The following PAN3 variants were observed in gnomAD, a reference collection of about 807,000 sequenced individuals.
The protein encoded by PAN3 is PAN2-PAN3 deadenylation complex subunit PAN3.
Under a neutral mutation model 96.2 loss-of-function variants are expected in PAN3, and 19 were observed. The observed-to-expected ratio is 0.20, with a 90% CI of 0.14 to 0.29. The LOEUF (loss-of-function observed/expected upper bound fraction) is 0.29, where lower values mean the gene tolerates loss of function less well. Ranked by LOEUF, PAN3 falls within the 10% of genes least tolerant of loss-of-function variation. PAN3 has a pLI of 1.00. For missense variants in PAN3, 882 were observed against 1,108.1 expected, an observed-to-expected ratio of 0.80 and a Z score of 2.90; for synonymous variants, 433 against 406.6, an observed-to-expected ratio of 1.06 and a Z score of -0.78.
intron 1 of PAN3, among the ~76,000 whole-genome samples, chr13:28,153,761 A>G (rs1024815112): frequency 6.6e-6 from 1 of 152,204 alleles, no homozygotes; most frequent in African/African-American, 2.4e-5. Flanking sequence ...CTAGCTTACT[A>G]CAAGATTTAG....
intron 1 of PAN3, among the ~76,000 whole-genome samples, chr13:28,170,653 A>G (rs970469773): frequency 2.0e-5 from 3 of 152,176 alleles, no homozygotes; most frequent in African/African-American, 7.2e-5. Context: ...TTTATTAGGA[A>G]AATGTGAAGA....
chr13:28,176,379 T>C (rs925071995), intron 2 of PAN3, 114 bp from the exon 3 acceptor site: 6 of 895,990 alleles, frequency 6.7e-6, no homozygotes, highest in Middle Eastern at 2.2e-4. Flanking sequence ...AGATTGTCAG[T>C]AATGTGAACA....
chr13:28,201,893 A>G (rs1878746923), intron 5 of PAN3, among the ~76,000 whole-genome samples: 1 of 152,198 alleles, frequency 6.6e-6, no homozygotes, highest in Admixed American at 6.5e-5. Flanking sequence ...CACTCTCCCT[A>G]CAAATCTGGA....
At chr13:28,149,960 A>T (rs1438176204) in intron 1 of PAN3, among the ~76,000 whole-genome samples, 2 of 152,184 alleles carry the variant, frequency 1.3e-5, no homozygotes, top group African/African-American at 4.8e-5. Flanking sequence ...GCTTTTAGAG[A>T]TATCAAATAC....
chr13:28,201,901 G>A (rs1423097899), intron 5 of PAN3, among the ~76,000 whole-genome samples: 2 of 152,090 alleles, frequency 1.3e-5, no homozygotes, highest in African/African-American at 2.4e-5. Context: ...CTACAAATCT[G>A]GAAAGTCTAG....
chr13:28,235,758 T>C (rs1241457396), intron 6 of PAN3, among the ~76,000 whole-genome samples: 3 of 151,608 alleles, frequency 2.0e-5, no homozygotes, highest in African/African-American at 7.3e-5. Flanking sequence ...AGAGATAGGC[T>C]GTAGCCCAGG....
intron 6 of PAN3, among the ~76,000 whole-genome samples, chr13:28,227,415 G>A (rs893692567): frequency 6.6e-6 from 1 of 152,124 alleles, no homozygotes; most frequent in Non-Finnish European, 1.5e-5. Flanking sequence ...GGAGTGGGTA[G>A]GGATTTCCTT....
At chr13:28,239,797 G>A (rs979693847) in intron 6 of PAN3, 6 of 595,180 alleles carry the variant, frequency 1.0e-5, no homozygotes, top group Non-Finnish European at 1.6e-5. Context: ...GAAGGAATCA[G>A]TTCTGGCAAT....
chr13:28,251,939 G>A (rs1316203243), intron 6 of PAN3, among the ~76,000 whole-genome samples: 5 of 152,102 alleles, frequency 3.3e-5, no homozygotes, highest in African/African-American at 1.2e-4. Context: ...CCAGGCTGGA[G>A]TACAATGGTG....
intron 17 of PAN3, among the ~76,000 whole-genome samples, chr13:28,283,378 T>A (rs73158119): frequency 0.1 from 15,318 of 152,220 alleles, 975 homozygotes; most frequent in Middle Eastern, 0.18. Flanking sequence ...TTAAATTTTT[T>A]AAATAGGTTG....
At chr13:28,236,003 A>T (rs1016442459) in intron 6 of PAN3, among the ~76,000 whole-genome samples, 1 of 151,432 alleles carries the variant, frequency 6.6e-6, no homozygotes, top group East Asian at 1.9e-4. Flanking sequence ...GAGTATTGGG[A>T]TTACATACGT....
chr13:28,196,898 A>G (rs903385085), intron 4 of PAN3, among the ~76,000 whole-genome samples: 1 of 152,188 alleles, frequency 6.6e-6, no homozygotes, highest in Non-Finnish European at 1.5e-5. Context: ...TTAAATTTCT[A>G]TTCATTAAGT....
At chr13:28,176,606 T>C in intron 3 of PAN3, 47 bp downstream of exon 3, 1 of 1,553,738 alleles carries the variant, frequency 6.4e-7, no homozygotes, top group Non-Finnish European at 8.8e-7. Flanking sequence ...TATATATTTC[T>C]TACTCTAAAA....
At chr13:28,155,256 T>C (rs896580196) in intron 1 of PAN3, among the ~76,000 whole-genome samples, 3 of 152,152 alleles carry the variant, frequency 2.0e-5, no homozygotes, top group Non-Finnish European at 1.5e-5. Context: ...ATTAAACATA[T>C]ATTTAACATT....
At chr13:28,232,126 A>T (rs1882635501) in intron 6 of PAN3, among the ~76,000 whole-genome samples, 1 of 152,190 alleles carries the variant, frequency 6.6e-6, no homozygotes, top group Admixed American at 6.5e-5. Flanking sequence ...GAAAAAGAAT[A>T]CTTTATTTGT....
chr13:28,151,388 AC>A (rs764501674), intron 1 of PAN3, among the ~76,000 whole-genome samples: 7 of 151,944 alleles, frequency 4.6e-5, no homozygotes, highest in Non-Finnish European at 8.8e-5. Flanking sequence ...GGTGGTGGGC[AC>A]CTGTAGTCCC....
At chr13:28,205,861 TAAAAAAAA>T (rs369273234) in intron 5 of PAN3, among the ~76,000 whole-genome samples, 1 of 133,156 alleles carries the variant, frequency 7.5e-6, no homozygotes, top group African/African-American at 2.8e-5. Context: ...AACTGTTTCT[TAAAAAAAA>T]AAAAAAAAGA....
At chr13:28,222,086 G>A (rs942763370) in intron 6 of PAN3, among the ~76,000 whole-genome samples, 12 of 152,008 alleles carry the variant, frequency 7.9e-5, no homozygotes, top group African/African-American at 2.9e-4. Context: ...TAAACATTTT[G>A]TTAACTTATT....
At chr13:28,144,234 TGATA>T (rs1870278576) in intron 1 of PAN3, among the ~76,000 whole-genome samples, 2 of 142,372 alleles carry the variant, frequency 1.4e-5, no homozygotes, top group African/African-American at 2.7e-5. Flanking sequence ...TTTTTTTTTT[TGATA>T]TGGAGTCTCG....
Sources: allele counts gnomAD v4.1 joint callset (sites outside exome capture counted in the v4.1 genomes callset), GRCh38; gene constraint gnomAD v4.1.1; transcripts MANE v1.5; gene names NCBI Gene and HGNC (gene_info 2026-07-23, HGNC 2026-07-21).